Variants in SH3BP5 observed in about 807,000 individuals in gnomAD.
The protein encoded by SH3BP5 is SH3 domain binding protein 5.
SH3BP5 carries 22 observed loss-of-function variants against 43.3 expected under a neutral mutation model. That is an observed-to-expected ratio of 0.51 (90% CI 0.36 to 0.73). The LOEUF (loss-of-function observed/expected upper bound fraction) is 0.73. SH3BP5 is among the 30% of genes least tolerant of loss of function. The probability of loss-of-function intolerance (pLI) is 0.00; values close to 1 mark genes in which losing one functional copy is unlikely to be tolerated. For missense variants in SH3BP5, 529 were observed against 586.9 expected (o/e 0.90, Z 1.02); for synonymous variants, 255 against 225.8 (o/e 1.13, Z -1.16).
At chr3:15,265,217 C>G (rs889170755) in intron 4 of SH3BP5, among the ~76,000 whole-genome samples, 1 of 152,086 alleles carries the variant, frequency 6.6e-6, no homozygotes, top group Non-Finnish European at 1.5e-5. Context: ...CATATATATA[C>G]AAAACCTCCA....
In SH3BP5 at chr3:15,256,017, T is replaced by G. The variant is rs565727111; in HGVS notation, c.*69A>C. 3.4e-5 allele frequency: 43 copies of G among 1,275,832 alleles called. No homozygotes were observed. The highest frequency in any genetic ancestry group is 4.8e-5 in the Non-Finnish European group (43 of 895,882). 79.0% of individuals were successfully genotyped at this position (1,275,832 alleles called of 1,614,324 possible). A position where few individuals can be genotyped will look rare whatever the true frequency, so the allele number is the denominator to read the frequency against. Reference sequence around the variant, plus strand: ...TAAGATTTGGCATATATTAAATGATTATTGGCACAATGTTCTCCAGTTCCA... The same window carrying G: ...TAAGATTTGGCATATATTAAATGATGATTGGCACAATGTTCTCCAGTTCCA... On this transcript the variant is annotated 3_prime_UTR_variant, in exon 9 of 9. Coordinates refer to ENST00000383791, the MANE Select transcript of SH3BP5 (RefSeq NM_004844.5).
At chr3:15,281,859 C>T (rs1697139057) in intron 3 of SH3BP5, among the ~76,000 whole-genome samples, 1 of 152,078 alleles carries the variant, frequency 6.6e-6, no homozygotes, top group Non-Finnish European at 1.5e-5. Flanking sequence ...AAAAAATTAG[C>T]CGGGCGCGGT....
intron 2 of SH3BP5, among the ~76,000 whole-genome samples, chr3:15,305,171 G>A (rs1697868420): frequency 6.6e-6 from 1 of 151,972 alleles, no homozygotes. Flanking sequence ...AACATGGCTA[G>A]CAACTACTAT....
At chr3:15,325,967 C>CG (rs1179587472) in intron 2 of SH3BP5, among the ~76,000 whole-genome samples, 1 of 152,050 alleles carries the variant, frequency 6.6e-6, no homozygotes, top group Non-Finnish European at 1.5e-5. Context: ...TGCAGTGAGC[C>CG]GAGATTGTGA....
chr3:15,331,838 G>A lies in SH3BP5; in HGVS notation c.138+433C>T, dbSNP rs1698617477. 4.1e-5 allele frequency: 7 copies of A among 170,722 alleles called. No individual in the cohort carries two copies. In the South Asian group the frequency reaches 9.3e-4, roughly 23 times the overall value. The allele number at this position is 170,722 out of a possible 1,614,324, so 10.6% of individuals were successfully genotyped here. A position where few individuals can be genotyped will look rare whatever the true frequency, so the allele number is the denominator to read the frequency against. ...CACCGGTGCCAGCCCGCGCTGCAGG[G>A]CAACGCCCACCCGCCCACGGTGCCC... On this transcript the variant is annotated intron_variant, in intron 1 of 8. Coordinates refer to ENST00000383791, the MANE Select transcript of SH3BP5 (RefSeq NM_004844.5).
chr3:15,303,028 G>T (rs778824664), intron 3 of SH3BP5, among the ~76,000 whole-genome samples: 1 of 152,036 alleles, frequency 6.6e-6, no homozygotes, highest in African/African-American at 2.4e-5. Context: ...GGCTGGTCTC[G>T]AACTCCTGAC....
chr3:15,272,277 A>G (rs1696824411), intron 3 of SH3BP5, among the ~76,000 whole-genome samples: 1 of 152,214 alleles, frequency 6.6e-6, no homozygotes, highest in Non-Finnish European at 1.5e-5. Context: ...CCAGGCGACG[A>G]TGACAATCAG....
chr3:15,260,042 C>T (rs1023954404), intron 5 of SH3BP5: 24 of 558,494 alleles, frequency 4.3e-5, no homozygotes, highest in East Asian at 1.2e-4. Context: ...TCTCAAGACA[C>T]GGGGAACCCA....
intron 2 of SH3BP5, among the ~76,000 whole-genome samples, chr3:15,306,233 C>T (rs1053572360): frequency 1.1e-4 from 16 of 152,104 alleles, no homozygotes; most frequent in African/African-American, 3.9e-4. Context: ...GTGGTGGGCA[C>T]CTGTAGTCCC....
chr3:15,262,820 T>C (rs1696498255), intron 4 of SH3BP5, among the ~76,000 whole-genome samples: 1 of 151,978 alleles, frequency 6.6e-6, no homozygotes, highest in African/African-American at 2.4e-5. Context: ...TTGCCAGGCA[T>C]GGTGGCACAT....
chr3:15,281,742 C>T (rs1559437711), intron 3 of SH3BP5, among the ~76,000 whole-genome samples: 1 of 152,176 alleles, frequency 6.6e-6, no homozygotes. Flanking sequence ...GTGGCTCACG[C>T]CTGTAATCCC....
chr3:15,290,396 C>G (rs1043748215), intron 3 of SH3BP5, among the ~76,000 whole-genome samples: 1 of 151,872 alleles, frequency 6.6e-6, no homozygotes, highest in African/African-American at 2.4e-5. Flanking sequence ...CATGGTGGCT[C>G]ACGTCTGTAA....
intron 2 of SH3BP5, among the ~76,000 whole-genome samples, chr3:15,327,863 T>G (rs1486430384): frequency 1.3e-5 from 2 of 152,216 alleles, no homozygotes; most frequent in African/African-American, 4.8e-5. Context: ...AAATGTGCCC[T>G]AAGTGTAAAA....
rs554177845 is a variant in SH3BP5, at chr3:15,255,733, GAA to G, written c.*351_*352del. 28 of 198,298 alleles carry G rather than the reference GAA, an allele frequency of 1.4e-4. No homozygotes were observed. Among genetic ancestry groups the G allele is most frequent in the African/African-American group, 5.3e-4 (23 of 43,176 alleles). 12.3% of individuals were successfully genotyped at this position (198,298 alleles called of 1,614,324 possible). A position where few individuals can be genotyped will look rare whatever the true frequency, so the allele number is the denominator to read the frequency against. ...CCCATACAAACTGAGGGTGAGAAGA[GAA>G]AGAGAAGCAAGCTGTTGCCCCCACT... On this transcript the variant is annotated 3_prime_UTR_variant, in exon 9 of 9. Transcript: ENST00000383791.
rs561289765 is a variant in SH3BP5 at position 15,294,325 on chromosome 3, G to GTGTGTGTGTA, written c.330+9777_330+9778insTACACACACA. On this transcript the variant is annotated intron_variant, in intron 3 of 8. Coordinates refer to ENST00000383791, the MANE Select transcript of SH3BP5 (RefSeq NM_004844.5). ...TGTGTGTGTGTGTGTGTGTGTGTGT[G>GTGTGTGTGTA]TGTGTGCGCGCGCATGTTTACGTAA... Among the ~76,000 whole-genome samples the GTGTGTGTGTA allele has an allele frequency of 1.0e-4, 15 of 142,928 alleles. 2 individuals carry two copies. In the East Asian group the frequency reaches 1.4e-3, roughly 13 times the overall value. The allele number at this position is 142,928 out of a possible 152,430, so 93.8% of individuals were successfully genotyped here. A position where few individuals can be genotyped will look rare whatever the true frequency, so the allele number is the denominator to read the frequency against.
intron 3 of SH3BP5, among the ~76,000 whole-genome samples, chr3:15,287,768 A>C (rs981460605): frequency 1.8e-4 from 27 of 152,210 alleles, no homozygotes; most frequent in African/African-American, 6.3e-4. Flanking sequence ...CATGAGTAGA[A>C]CACCACGACG....
At position 15,304,194 on chromosome 3, in the gene SH3BP5, G is replaced by A. The variant is rs1425085262; in HGVS notation, c.239C>T (p.Ala80Val). The change falls in exon 3 of 9, where the codon GCA becomes GTA. Residue 80 changes from alanine (A) to valine (V), a missense_variant. Physicochemically the swap from Ala to Val is moderately conservative, Grantham distance 64. Transcript: ENST00000383791. Reference sequence around the variant, plus strand: ...CACCAGTTCATCCAGTTTCACCGTTGCTTCAACCAGAACAGAGCGGAACTT... The same window carrying A: ...CACCAGTTCATCCAGTTTCACCGTTACTTCAACCAGAACAGAGCGGAACTT... ...RQKFRSVLVE[A>V]TVKLDELVKK... is the part of the protein sequence containing the mutation. The A allele has an allele frequency of 2.5e-6, 4 of 1,614,178 alleles. No homozygotes were observed. Among genetic ancestry groups the A allele is most frequent in the Non-Finnish European group, 3.4e-6 (4 of 1,180,030 alleles).
At chr3:15,305,470 GC>G (rs57768997) in intron 2 of SH3BP5, among the ~76,000 whole-genome samples, 12,564 of 152,266 alleles carry the variant, frequency 0.083, 754 homozygotes, top group African/African-American at 0.17. Context: ...AGGTATTACA[GC>G]CCGTTCCAGA....
At chr3:15,332,733 G>T, upstream of SH3BP5, 1 of 952,780 alleles carries the variant, frequency 1.0e-6, no homozygotes, top group Non-Finnish European at 1.3e-6. Flanking sequence ...CATCTCCAAG[G>T]TGGCAAAATA....
Sources: allele counts gnomAD v4.1 joint callset (sites outside exome capture counted in the v4.1 genomes callset), GRCh38; gene constraint gnomAD v4.1.1; transcripts MANE v1.5; gene names NCBI Gene and HGNC (gene_info 2026-07-23, HGNC 2026-07-21).